The following DSG3 variants were observed in gnomAD, a reference collection of about 807,000 sequenced individuals.
DSG3 encodes desmoglein 3.
In DSG3, 63 loss-of-function variants were observed where a neutral mutation model predicts 85.9. The observed-to-expected ratio is 0.73, with a 90% confidence interval of 0.60 to 0.90. DSG3 has a LOEUF of 0.90. Ranked by LOEUF, DSG3 falls within the 40% of genes least tolerant of loss-of-function variation. The pLI is 0.00. For synonymous variants in DSG3, 447 were observed against 441.9 expected (o/e 1.01, Z -0.14); for missense variants, 1,220 against 1,219.9 (o/e 1.00, Z 0.00).
intron 12 of DSG3, 63 bp downstream of exon 12, chr18:31,469,412 CT>C: frequency 5.0e-6 from 8 of 1,588,058 alleles, no homozygotes; most frequent in Non-Finnish European, 6.9e-6. Context: ...GGCCTCCATG[CT>C]GCCCTGCTCA....
intron 1 of DSG3, 120 bp downstream of exon 1, chr18:31,448,045 C>G: frequency 1.5e-6 from 1 of 647,942 alleles, no homozygotes; most frequent in Non-Finnish European, 2.3e-6. Flanking sequence ...TGGAAATCAA[C>G]ACTTTGAAAT....
chr18:31,467,830 A>C (rs1249416306), intron 11 of DSG3, among the ~76,000 whole-genome samples: 1 of 152,196 alleles, frequency 6.6e-6, no homozygotes, highest in Non-Finnish European at 1.5e-5. Flanking sequence ...AGAGTTACCA[A>C]AGGGATCTTG....
intron 13 of DSG3, 68 bp from the exon 14 acceptor site, chr18:31,472,657 A>G (rs546828191): frequency 1.3e-6 from 2 of 1,515,498 alleles, no homozygotes; most frequent in South Asian, 1.1e-5. Flanking sequence ...GCAAAGGGCC[A>G]CATGTCACTA....
At chr18:31,464,733 A>G (rs1044665556) in intron 9 of DSG3, among the ~76,000 whole-genome samples, 2 of 152,166 alleles carry the variant, frequency 1.3e-5, no homozygotes, top group Non-Finnish European at 2.9e-5. Flanking sequence ...AGCACTTACA[A>G]AGACATATAT....
At position 31,478,523 on chromosome 18, in the gene DSG3, T is replaced by G. The variant is rs577628627; in HGVS notation, c.*2263T>G. ...AAAAAAATCAATCTTTAGGATGACT[T>G]AAAAATTGATTTGCCATGTAAAATG... On this transcript the variant is annotated 3_prime_UTR_variant, in exon 16 of 16. Coordinates refer to ENST00000257189, the MANE Select transcript of DSG3 (RefSeq NM_001944.3). 6.6e-6 allele frequency: 1 copy of G among 152,322 alleles called. No individual in the cohort carries two copies. The highest frequency in any genetic ancestry group is 2.1e-4 in the South Asian group (1 of 4,826). 9.4% of individuals were successfully genotyped at this position (152,322 alleles called of 1,614,324 possible).
Position 31,459,115 on chromosome 18 carries a change from A to T in DSG3, c.455A>T (p.Asp152Val), listed in dbSNP as rs1254958301. 6.2e-7 allele frequency: 1 copy of T among 1,613,518 alleles called. No individual in the cohort carries two copies. ...ILTVKILDIN[D>V]NPPVFSQQIF... ...ACGGTTAAAATTTTGGATATTAATG[A>T]TAATCCTCCAGTATTTTCACAACAA... Residue 152 changes from aspartate to valine, a missense_variant, in exon 5 of 16, where the codon GAT becomes GTT. Coordinates refer to ENST00000257189, the MANE Select transcript of DSG3 (RefSeq NM_001944.3).
chr18:31,456,580 T>A, intron 2 of DSG3, 105 bp downstream of exon 2: 1 of 550,592 alleles, frequency 1.8e-6, no homozygotes, highest in Non-Finnish European at 2.8e-6. Context: ...AATTATTCAA[T>A]AATTTAATTG....
At chr18:31,459,553 G>A (rs2072770330) in intron 5 of DSG3, among the ~76,000 whole-genome samples, 1 of 152,132 alleles carries the variant, frequency 6.6e-6, no homozygotes, top group African/African-American at 2.4e-5. Context: ...TTTGTGGAAA[G>A]GGGAGAATTA....
intron 10 of DSG3, 92 bp downstream of exon 10, chr18:31,465,549 T>C: frequency 8.7e-7 from 1 of 1,148,430 alleles, no homozygotes; most frequent in East Asian, 2.9e-5. Flanking sequence ...ACATATTATC[T>C]TTACCACTGG....
intron 12 of DSG3, among the ~76,000 whole-genome samples, chr18:31,470,101 T>C (rs969181559): frequency 6.6e-6 from 1 of 152,140 alleles, no homozygotes. Context: ...ATCAAAATCA[T>C]ATAAATCAAA....
intron 2 of DSG3, 73 bp from the exon 3 acceptor site, chr18:31,456,920 G>C (rs913572930): frequency 1.3e-6 from 2 of 1,489,842 alleles, no homozygotes; most frequent in Non-Finnish European, 1.8e-6. Context: ...CCTCAACTAG[G>C]TGTCTGTAAT....
At chr18:31,473,091 T>C (rs1288506319) in intron 14 of DSG3, among the ~76,000 whole-genome samples, 3 of 152,188 alleles carry the variant, frequency 2.0e-5, no homozygotes, top group African/African-American at 7.2e-5. Flanking sequence ...ATTTTTTAAT[T>C]AGGAAAGACT....
rs772983108 is a variant in DSG3 at position 31,464,277 on chromosome 18, C to T, written c.1166C>T (p.Thr389Ile). ...ATTGCATTCCGTCCTGCTTCCAAGA[C>T]ATTTACTGTGCAAAAAGGCATAAGT... ...EGIAFRPASK[T>I]FTVQKGISSK... The change falls in exon 9 of 16, where the codon ACA becomes ATA. Residue 389 changes from threonine to isoleucine, a missense_variant. Coordinates refer to ENST00000257189, the MANE Select transcript of DSG3 (RefSeq NM_001944.3). 14 of 1,614,156 alleles carry T rather than the reference C, an allele frequency of 8.7e-6. No individual in the cohort carries two copies. Among genetic ancestry groups the T allele is most frequent in the Non-Finnish European group, 1.1e-5 (13 of 1,180,002 alleles).
chr18:31,473,898 T>C (rs1259455646), intron 14 of DSG3, among the ~76,000 whole-genome samples: 1 of 152,240 alleles, frequency 6.6e-6, no homozygotes, highest in Non-Finnish European at 1.5e-5. Flanking sequence ...TTGTACACTT[T>C]TAAAATTAGT....
chr18:31,467,054 A>G (rs1819234364), intron 11 of DSG3, among the ~76,000 whole-genome samples: 1 of 152,274 alleles, frequency 6.6e-6, no homozygotes. Context: ...AGAGTCAGGC[A>G]TCTAGGTGGG....
chr18:31,465,278 C>T (rs752302448), intron 9 of DSG3, 40 bp from the exon 10 acceptor site: 1 of 1,320,500 alleles, frequency 7.6e-7, no homozygotes, highest in Admixed American at 3.0e-5. Context: ...TAACATTCCA[C>T]ATTTGAAAGA....
At chr18:31,449,324 T>A (rs2072697233) in intron 1 of DSG3, among the ~76,000 whole-genome samples, 1 of 152,222 alleles carries the variant, frequency 6.6e-6, no homozygotes, top group Admixed American at 6.5e-5. Context: ...ATGGGAAATG[T>A]CTGGGCTGAA....
intron 15 of DSG3, 74 bp downstream of exon 15, chr18:31,474,478 C>A: frequency 1.4e-6 from 2 of 1,478,532 alleles, no homozygotes; most frequent in Admixed American, 4.6e-5. Flanking sequence ...TTATATACTT[C>A]AGTTTTGCAG....
In DSG3 at chr18:31,473,479, T is replaced by C. The variant is rs555468615; in HGVS notation, c.2102-642T>C. On this transcript the variant is annotated intron_variant, in intron 14 of 15. Transcript: ENST00000257189. Reference sequence around the variant, plus strand: ...AGTTTTGCTTAATTCCATAGATTGTTTTCAAGTGTCCATCCTGCAAAATCC... The same window carrying C: ...AGTTTTGCTTAATTCCATAGATTGTCTTCAAGTGTCCATCCTGCAAAATCC... Among the ~76,000 whole-genome samples, 72 of 152,338 alleles carry C rather than the reference T, an allele frequency of 4.7e-4. 1 individual carries two copies. In the South Asian group the frequency reaches 0.014, roughly 29 times the overall value.
Sources: allele counts gnomAD v4.1 joint callset (sites outside exome capture counted in the v4.1 genomes callset), GRCh38; gene constraint gnomAD v4.1.1; transcripts MANE v1.5; gene names NCBI Gene and HGNC (gene_info 2026-07-23, HGNC 2026-07-21).